RAD51B: variants seen among roughly 807,000 people sequenced by gnomAD.
The protein encoded by RAD51B is DNA repair protein RAD51 homolog 2.
A neutral mutation model predicts 42.2 loss-of-function variants in RAD51B; 38 were observed. The observed-to-expected ratio is 0.90, with a 90% CI of 0.70 to 1.18. RAD51B has a LOEUF of 1.18. RAD51B is among the 50% of genes most tolerant of loss of function. The pLI is 0.00. For missense variants in RAD51B, 373 were observed against 400.7 expected (o/e 0.93, Z 0.59); for synonymous variants, 154 against 145.2 (o/e 1.06, Z -0.43).
intron 7 of RAD51B, among the ~76,000 whole-genome samples, chr14:67,990,436 T>G (rs924992939): frequency 5.9e-5 from 9 of 152,362 alleles, no homozygotes; most frequent in Non-Finnish European, 7.3e-5. Flanking sequence ...TATCCTGAAC[T>G]TTGTTTCTTT....
At chr14:68,214,294 C>G (rs2079769950) in intron 7 of RAD51B, among the ~76,000 whole-genome samples, 1 of 152,284 alleles carries the variant, frequency 6.6e-6, no homozygotes, top group African/African-American at 2.4e-5. Context: ...CAAAATGTTA[C>G]TCTAGCAGGA....
chr14:68,534,067 C>A (rs1047207503), intron 10 of RAD51B, among the ~76,000 whole-genome samples: 1 of 152,090 alleles, frequency 6.6e-6, no homozygotes, highest in Non-Finnish European at 1.5e-5. Context: ...AACAGACAAG[C>A]AAGTGAGCTT....
chr14:68,356,310 C>A (rs1359176859), intron 8 of RAD51B, among the ~76,000 whole-genome samples: 1 of 151,758 alleles, frequency 6.6e-6, no homozygotes, highest in African/African-American at 2.4e-5. Context: ...TGGCGGGCGC[C>A]TGTGGTCCCA....
chr14:68,586,936 C>T (rs990029977), intron 10 of RAD51B, among the ~76,000 whole-genome samples: 4 of 151,818 alleles, frequency 2.6e-5, no homozygotes, highest in African/African-American at 9.7e-5. Context: ...ACCTAGGAGG[C>T]AGAGGTTGCA....
intron 8 of RAD51B, chr14:68,306,776 G>A (rs1566797754): frequency 2.8e-6 from 1 of 359,018 alleles, no homozygotes. Flanking sequence ...ATTCCAGTGG[G>A]AAAGACCTGG....
intron 10 of RAD51B, among the ~76,000 whole-genome samples, chr14:68,542,860 A>G (rs77915684): frequency 0.032 from 4,834 of 152,252 alleles, 233 homozygotes; most frequent in African/African-American, 0.11. Context: ...AACTCAGCCC[A>G]TCTTTCCAGC....
At chr14:68,274,341 C>G (rs542640838) in intron 7 of RAD51B, among the ~76,000 whole-genome samples, 2 of 152,076 alleles carry the variant, frequency 1.3e-5, no homozygotes, top group Non-Finnish European at 2.9e-5. Context: ...TTCTTCCTTC[C>G]TTTCTTGTTT....
At chr14:68,144,249 GT>G (rs1268705426) in intron 7 of RAD51B, among the ~76,000 whole-genome samples, 1 of 152,160 alleles carries the variant, frequency 6.6e-6, no homozygotes, top group African/African-American at 2.4e-5. Flanking sequence ...TAGCTTAGGT[GT>G]ACTTTCACCC....
chr14:68,156,567 A>G (rs1402834701), intron 7 of RAD51B, among the ~76,000 whole-genome samples: 1 of 150,600 alleles, frequency 6.6e-6, no homozygotes, highest in Non-Finnish European at 1.5e-5. Flanking sequence ...CTGTGCATGC[A>G]GTATGCCCAG....
chr14:68,259,768 C>G (rs967674452), intron 7 of RAD51B, among the ~76,000 whole-genome samples: 17 of 152,258 alleles, frequency 1.1e-4, no homozygotes, highest in African/African-American at 4.1e-4. Flanking sequence ...GCTTAGGTAG[C>G]AGGCACCAGT....
intron 8 of RAD51B, among the ~76,000 whole-genome samples, chr14:68,374,134 G>C (rs1228669679): frequency 6.6e-6 from 1 of 152,196 alleles, no homozygotes; most frequent in Non-Finnish European, 1.5e-5. Context: ...CTCCCATATA[G>C]TCAATCCTGG....
chr14:68,236,813 T>A (rs533852059), intron 7 of RAD51B, among the ~76,000 whole-genome samples: 1 of 152,228 alleles, frequency 6.6e-6, no homozygotes, highest in Non-Finnish European at 1.5e-5. Context: ...CCTGCTCAGC[T>A]TTCCCTGGCT....
At chr14:68,450,773 G>A (rs780866433) in intron 9 of RAD51B, among the ~76,000 whole-genome samples, 5 of 152,122 alleles carry the variant, frequency 3.3e-5, no homozygotes, top group East Asian at 1.9e-4. Context: ...TGTACCAACC[G>A]GGAAAGAGAG....
At chr14:68,322,784 A>T (rs1025413138) in intron 8 of RAD51B, among the ~76,000 whole-genome samples, 1 of 152,120 alleles carries the variant, frequency 6.6e-6, no homozygotes, top group East Asian at 1.9e-4. Context: ...AGAGATAGCC[A>T]CCTTTAAGTT....
chr14:67,859,825 G>T lies in RAD51B; in HGVS notation c.316-5178G>T, dbSNP rs377446797. 2.6e-5 allele frequency among the ~76,000 whole-genome samples: 4 copies of T among 152,006 alleles called. No homozygotes were observed. The East Asian group carries it at 7.7e-4, about 29-fold the overall frequency. On this transcript the variant is annotated intron_variant, in intron 4 of 10. Coordinates refer to ENST00000471583, the MANE Select transcript of RAD51B (RefSeq NM_133510.4). Reference sequence around the variant, plus strand: ...GAAACAATATGGCAACAAGTTAAATGAATTTTTTTTTTTGAGCGAAGTTTT... The same window carrying T: ...GAAACAATATGGCAACAAGTTAAATTAATTTTTTTTTTTGAGCGAAGTTTT...
chr14:68,469,042 G>T (rs10144394), intron 10 of RAD51B: 1 of 463,730 alleles, frequency 2.2e-6, no homozygotes, highest in African/African-American at 2.0e-5. Flanking sequence ...TTGTGGATGA[G>T]GAAGGATCTG....
chr14:68,400,617 A>C (rs998268964), intron 8 of RAD51B, among the ~76,000 whole-genome samples: 3 of 152,214 alleles, frequency 2.0e-5, no homozygotes, highest in Non-Finnish European at 4.4e-5. Flanking sequence ...GGACAGCTGA[A>C]AGGTGTGGTC....
intron 10 of RAD51B, among the ~76,000 whole-genome samples, chr14:68,484,563 T>G (rs1012605693): frequency 1.3e-5 from 2 of 152,114 alleles, no homozygotes; most frequent in African/African-American, 4.8e-5. Context: ...TTCACCGTGT[T>G]AGCCAGGACG....
chr14:68,450,428 A>G (rs1364000629), intron 9 of RAD51B, among the ~76,000 whole-genome samples: 2 of 152,044 alleles, frequency 1.3e-5, no homozygotes, highest in Non-Finnish European at 2.9e-5. Flanking sequence ...CCTGTTGACC[A>G]GGCTGGTCTC....
Sources: allele counts gnomAD v4.1 joint callset (sites outside exome capture counted in the v4.1 genomes callset), GRCh38; gene constraint gnomAD v4.1.1; transcripts MANE v1.5; gene names NCBI Gene and HGNC (gene_info 2026-07-23, HGNC 2026-07-21).